Variants in PLXND1 observed in about 807,000 individuals in gnomAD.
PLXND1 encodes the protein plexin D1.
A neutral mutation model predicts 197.7 loss-of-function variants in PLXND1; 54 were observed. The ratio of observed to expected loss-of-function variants is 0.27; its 90% CI spans 0.22 to 0.34. PLXND1 has a LOEUF of 0.34. Among genes scored for constraint, PLXND1 ranks in the 10% least tolerant of loss-of-function variants. The pLI is 1.00. For missense variants in PLXND1, 2,127 were observed against 2,699.2 expected (o/e 0.79, Z 4.70); for synonymous variants, 1,180 against 1,161.2 (o/e 1.02, Z -0.33).
At chr3:129,572,070 C>T (rs535568046) in intron 15 of PLXND1, among the ~76,000 whole-genome samples, 6 of 151,936 alleles carry the variant, frequency 3.9e-5, no homozygotes, top group African/African-American at 7.2e-5. Context: ...TCTTCTCTCC[C>T]GCCTCCAACC....
Position 129,571,150 on chromosome 3 carries a change from G to A in PLXND1, c.3490C>T (p.Arg1164Trp), listed in dbSNP as rs112106611. 40 of 1,614,200 alleles carry A rather than the reference G, an allele frequency of 2.5e-5. No individual in the cohort carries two copies. Among genetic ancestry groups the A allele is most frequent in the Admixed American group, 6.7e-5 (4 of 60,026 alleles). ...EELLDPEEAQ[R>W]GSRFRLDYLP... Reference sequence around the variant, plus strand: ...TAGTCCAGGCGGAACCTGCTGCCCCGCTGTGCCTCCTCGGGGTCCAGTAGC... The same window carrying A: ...TAGTCCAGGCGGAACCTGCTGCCCCACTGTGCCTCCTCGGGGTCCAGTAGC... Residue 1164 changes from arginine to tryptophan, a missense_variant, in exon 18 of 36, where the codon CGG becomes TGG. Arg to Trp is a moderately radical substitution (Grantham distance 101, BLOSUM62 -3). This residue lies in a region of PLXND1 where 532 missense variants were observed against 811.0 expected (regional missense o/e 0.66). Coordinates refer to ENST00000324093, the MANE Select transcript of PLXND1 (RefSeq NM_015103.3).
intron 5 of PLXND1, among the ~76,000 whole-genome samples, chr3:129,585,477 GAGA>G (rs1416011966): frequency 6.6e-6 from 1 of 152,230 alleles, no homozygotes; most frequent in East Asian, 1.9e-4. Flanking sequence ...ATCTGTTTCT[GAGA>G]AGGAGAAATT....
At chr3:129,597,000 A>T (rs2085635312) in intron 1 of PLXND1, among the ~76,000 whole-genome samples, 1 of 152,228 alleles carries the variant, frequency 6.6e-6, no homozygotes, top group Non-Finnish European at 1.5e-5. Flanking sequence ...GCTTTCTCAT[A>T]GTAACAGTTC....
At chr3:129,571,925 A>G in intron 15 of PLXND1, 81 bp from the exon 16 acceptor site, 1 of 1,359,034 alleles carries the variant, frequency 7.4e-7, no homozygotes, top group South Asian at 1.3e-5. Flanking sequence ...CTGGGGCACA[A>G]GTCCACGCAC....
intron 8 of PLXND1, among the ~76,000 whole-genome samples, chr3:129,580,833 C>G (rs1354844766): frequency 6.6e-6 from 1 of 151,952 alleles, no homozygotes; most frequent in Non-Finnish European, 1.5e-5. Context: ...CTCTGTACCC[C>G]CAGGGACCCC....
At position 129,555,614 on chromosome 3, in the gene PLXND1, G is replaced by A. The variant is rs555704420; in HGVS notation, c.*698C>T. ...GATCAAGTAGCCCAGCTACAGCCTC[G>A]GTGCATCTTAACCCCTCTCCTTTTC... is the stretch of plus-strand genomic sequence containing the variant. On this transcript the variant is annotated 3_prime_UTR_variant, in exon 36 of 36. Coordinates refer to ENST00000324093, the MANE Select transcript of PLXND1 (RefSeq NM_015103.3). The A allele has an allele frequency of 1.6e-5, 10 of 614,586 alleles. No individual in the cohort carries two copies. Among genetic ancestry groups the A allele is most frequent in the South Asian group, 1.3e-4 (7 of 53,864 alleles). 38.1% of individuals were successfully genotyped at this position (614,586 alleles called of 1,614,324 possible). A position where few individuals can be genotyped will look rare whatever the true frequency, so the allele number is the denominator to read the frequency against.
At chr3:129,592,737 T>G (rs1282245905) in intron 1 of PLXND1, among the ~76,000 whole-genome samples, 1 of 152,244 alleles carries the variant, frequency 6.6e-6, no homozygotes, top group Non-Finnish European at 1.5e-5. Context: ...AAAAATTTTT[T>G]TAAAGAAGTA....
At chr3:129,589,310 T>TACC in intron 2 of PLXND1, 41 bp downstream of exon 2, 2 of 501,294 alleles carry the variant, frequency 4.0e-6, no homozygotes, top group Non-Finnish European at 3.8e-6. Context: ...CAGGGGAGCC[T>TACC]CCCACCCCCA....
rs57098603 is a variant in PLXND1 at position 129,595,921 on chromosome 3, G to GCACACACACACACACA, written c.1312-6410_1312-6395dup. ...CTTACAGCCCTGGGGGTGCACGCAC[G>GCACACACACACACACA]CACACACACACACACACACACACAC... On this transcript the variant is annotated intron_variant, in intron 1 of 35. Coordinates refer to ENST00000324093, the MANE Select transcript of PLXND1 (RefSeq NM_015103.3). Among the ~76,000 whole-genome samples, 435 of 146,490 alleles carry GCACACACACACACACA rather than the reference G, an allele frequency of 3.0e-3. 4 individuals are homozygous for GCACACACACACACACA. The highest frequency in any genetic ancestry group is 7.3e-3 in the South Asian group (33 of 4,534).
rs1318150591 is a variant in PLXND1 at position 129,586,157 on chromosome 3, G to C, written c.1721+15C>G. The C allele has an allele frequency of 1.2e-6, 2 of 1,609,868 alleles. No individual in the cohort carries two copies. Among genetic ancestry groups the C allele is most frequent in the East Asian group, 4.5e-5 (2 of 44,798 alleles). On this transcript the variant is annotated intron_variant, in intron 4 of 35. Coordinates refer to ENST00000324093, the MANE Select transcript of PLXND1 (RefSeq NM_015103.3). The stretch of plus-strand genomic sequence containing the variant: ...CAGCCCTCCTGGTCCAGCTGTTGCT[G>C]GTGTCCAGCCTCACCGCGTCTCCAG...
intron 2 of PLXND1, 38 bp downstream of exon 2, chr3:129,589,313 C>T: frequency 1.7e-6 from 1 of 592,306 alleles, no homozygotes; most frequent in Non-Finnish European, 3.0e-6. Flanking sequence ...GGGAGCCTCC[C>T]ACCCCCACCC....
In PLXND1 at chr3:129,556,631, T is replaced by G. The variant is rs770931130; in HGVS notation, c.5647A>C (p.Arg1883=). ...AMAEIYKYAK[R]YRPQIMAALE... The stretch of plus-strand genomic sequence containing the variant: ...GGGGCACTCACCTGCGGCCGATACC[T>G]CTTGGCGTACTTATAAATCTCTGCC... Residue 1883 remains arginine (R), a synonymous_variant, in exon 35 of 36, where the codon AGG becomes CGG. Transcript: ENST00000324093. 1 of 1,612,872 alleles carries G rather than the reference T, an allele frequency of 6.2e-7. No individual in the cohort carries two copies. Among genetic ancestry groups the G allele is most frequent in the Non-Finnish European group, 8.5e-7 (1 of 1,179,122 alleles).
chr3:129,600,334 A>T (rs769437913), intron 1 of PLXND1, among the ~76,000 whole-genome samples: 11 of 152,070 alleles, frequency 7.2e-5, no homozygotes, highest in African/African-American at 9.7e-5. Context: ...CTCCCTCTTG[A>T]TACTAATACC....
chr3:129,561,958 G>T, intron 27 of PLXND1, 55 bp from the exon 28 acceptor site: 1 of 1,218,958 alleles, frequency 8.2e-7, no homozygotes, highest in Non-Finnish European at 1.2e-6. Context: ...GGCCTGAGGG[G>T]TAGGTACCGG....
At chr3:129,593,451 G>C (rs900475380) in intron 1 of PLXND1, among the ~76,000 whole-genome samples, 2 of 152,218 alleles carry the variant, frequency 1.3e-5, no homozygotes, top group African/African-American at 4.8e-5. Context: ...GACCCATGCT[G>C]TTCCCTCTCC....
chr3:129,583,000 G>T (rs1311820173), intron 8 of PLXND1, among the ~76,000 whole-genome samples: 1 of 152,182 alleles, frequency 6.6e-6, no homozygotes, highest in Non-Finnish European at 1.5e-5. Flanking sequence ...CCACCCTTGG[G>T]ACGCCACTGC....
intron 32 of PLXND1, 55 bp downstream of exon 32, chr3:129,559,564 CT>C: frequency 7.0e-7 from 1 of 1,433,036 alleles, no homozygotes; most frequent in Non-Finnish European, 9.4e-7. Context: ...TCTGAACCCC[CT>C]GCCACAGGGG....
At chr3:129,603,952 C>CCAGTGT (rs771176735) in intron 1 of PLXND1, among the ~76,000 whole-genome samples, 2 of 152,106 alleles carry the variant, frequency 1.3e-5, no homozygotes, top group South Asian at 2.1e-4. Flanking sequence ...GGGAAAGGCC[C>CCAGTGT]CAGTGTCATT....
chr3:129,601,264 G>A (rs1359421684), intron 1 of PLXND1, among the ~76,000 whole-genome samples: 2 of 152,138 alleles, frequency 1.3e-5, no homozygotes, highest in African/African-American at 2.4e-5. Context: ...GACTTCTGAG[G>A]GCTGCGGGGA....
Sources: allele counts gnomAD v4.1 joint callset (sites outside exome capture counted in the v4.1 genomes callset), GRCh38; gene constraint gnomAD v4.1.1; regional missense constraint gnomAD v4.1.1; transcripts MANE v1.5; gene names NCBI Gene and HGNC (gene_info 2026-07-23, HGNC 2026-07-21).